EEIG2: variants seen among roughly 807,000 people sequenced by gnomAD.
The protein encoded by EEIG2 is family with sequence similarity 102 member B.
chr1:108,628,192 T>A, the EEIG2 span: 1 of 1,614,182 alleles, frequency 6.2e-7, no homozygotes, highest in East Asian at 2.2e-5. Context: ...GTGCCTCTGT[T>A]CCAGACGAAC....
chr1:108,565,719 C>T, the EEIG2 span, among the ~76,000 whole-genome samples: 1 of 152,142 alleles, frequency 6.6e-6, no homozygotes, highest in Non-Finnish European at 1.5e-5. Context: ...CTGATGAGCA[C>T]ATCTATGTAT....
the EEIG2 span, chr1:108,624,564 G>T: frequency 8.1e-7 from 1 of 1,232,024 alleles, no homozygotes; most frequent in Non-Finnish European, 1.2e-6. Context: ...CTATGCTAAG[G>T]CTTACTAAGC....
the EEIG2 span, among the ~76,000 whole-genome samples, chr1:108,566,400 A>G: frequency 6.6e-6 from 1 of 152,180 alleles, no homozygotes; most frequent in Non-Finnish European, 1.5e-5. Flanking sequence ...AGTGCATTAA[A>G]TTGATTTTTT....
At chr1:108,579,672 T>A in the EEIG2 span, among the ~76,000 whole-genome samples, 4 of 151,784 alleles carry the variant, frequency 2.6e-5, no homozygotes, top group Non-Finnish European at 5.9e-5. Context: ...GCATTTTTTT[T>A]AATTGAAGAT....
the EEIG2 span, among the ~76,000 whole-genome samples, chr1:108,596,804 T>C: frequency 6.6e-5 from 10 of 151,958 alleles, no homozygotes; most frequent in Non-Finnish European, 1.2e-4. Context: ...AGTGGCACAC[T>C]CATGGCTCAC....
the EEIG2 span, among the ~76,000 whole-genome samples, chr1:108,615,846 T>C: frequency 1.3e-5 from 2 of 151,652 alleles, no homozygotes; most frequent in East Asian, 3.9e-4. Flanking sequence ...GGTCAGAAGC[T>C]TTTTACTCTT....
the EEIG2 span, among the ~76,000 whole-genome samples, chr1:108,602,309 G>A: frequency 6.6e-6 from 1 of 152,152 alleles, no homozygotes; most frequent in Non-Finnish European, 1.5e-5. Flanking sequence ...CTGAGTTATG[G>A]ATGACAGAAG....
chr1:108,616,211 C>A, the EEIG2 span, among the ~76,000 whole-genome samples: 375 of 151,152 alleles, frequency 2.5e-3, 2 homozygotes, highest in Non-Finnish European at 4.0e-3. Context: ...CTTACTATAA[C>A]CTCAAACTCC....
chr1:108,591,487 C>CA, the EEIG2 span, among the ~76,000 whole-genome samples: 28 of 152,320 alleles, frequency 1.8e-4, no homozygotes, highest in African/African-American at 6.3e-4. Context: ...ACACAGTCAT[C>CA]AATTTTTAAG....
the EEIG2 span, among the ~76,000 whole-genome samples, chr1:108,593,817 GT>G: frequency 1.3e-5 from 2 of 151,906 alleles, no homozygotes; most frequent in East Asian, 3.9e-4. Context: ...TGTTTTGTTT[GT>G]TTTTTGAGAT....
At chr1:108,580,352 T>G in the EEIG2 span, among the ~76,000 whole-genome samples, 4 of 86,040 alleles carry the variant, frequency 4.6e-5, no homozygotes, top group African/African-American at 1.2e-4. Flanking sequence ...CAAAACAATA[T>G]TAAAATTAGG....
At chr1:108,605,321 A>G in the EEIG2 span, among the ~76,000 whole-genome samples, 1 of 152,178 alleles carries the variant, frequency 6.6e-6, no homozygotes, top group African/African-American at 2.4e-5. Context: ...ATGTAGTGGG[A>G]TGGCCACACC....
At chr1:108,585,638 C>T in the EEIG2 span, among the ~76,000 whole-genome samples, 8 of 152,104 alleles carry the variant, frequency 5.3e-5, no homozygotes, top group Non-Finnish European at 1.2e-4. Flanking sequence ...CCATCTCCTC[C>T]CCAGACCTTC....
the EEIG2 span, among the ~76,000 whole-genome samples, chr1:108,632,111 CAAAAAAA>C: frequency 9.2e-5 from 6 of 65,390 alleles, no homozygotes; most frequent in South Asian, 8.8e-4. Flanking sequence ...GAGACTGTCT[CAAAAAAA>C]AAAAAAAAAA....
the EEIG2 span, among the ~76,000 whole-genome samples, chr1:108,566,899 A>T: frequency 1.3e-5 from 2 of 152,192 alleles, no homozygotes; most frequent in African/African-American, 4.8e-5. Flanking sequence ...AGTTTCAATT[A>T]GGTGGCATGG....
the EEIG2 span, among the ~76,000 whole-genome samples, chr1:108,585,717 C>T: frequency 6.6e-6 from 1 of 152,102 alleles, no homozygotes; most frequent in East Asian, 1.9e-4. Flanking sequence ...ACTTCATCCG[C>T]ATAAGTGCTG....
At chr1:108,613,983 C>T in the EEIG2 span, among the ~76,000 whole-genome samples, 1 of 151,844 alleles carries the variant, frequency 6.6e-6, no homozygotes, top group East Asian at 1.9e-4. Context: ...ACTTCACCCC[C>T]AAAAAATTTC....
chr1:108,589,783 CTTTTTTTT>C, the EEIG2 span, among the ~76,000 whole-genome samples: 1 of 85,160 alleles, frequency 1.2e-5, no homozygotes, highest in Non-Finnish European at 2.1e-5. Context: ...GTCTTTTGTC[CTTTTTTTT>C]TTTTTTTTTT....
At chr1:108,607,804 C>G in the EEIG2 span, among the ~76,000 whole-genome samples, 1 of 152,174 alleles carries the variant, frequency 6.6e-6, no homozygotes, top group Non-Finnish European at 1.5e-5. Context: ...ACCATACTTT[C>G]TCTCCATTCC....
Sources: allele counts gnomAD v4.1 joint callset (sites outside exome capture counted in the v4.1 genomes callset), GRCh38; gene constraint gnomAD v4.1.1; transcripts MANE v1.5; gene names NCBI Gene and HGNC (gene_info 2026-07-23, HGNC 2026-07-21).